The following ELP6 variants were observed in gnomAD, a reference collection of about 807,000 sequenced individuals.
ELP6 encodes elongator complex protein 6.
In ELP6, 23 loss-of-function variants were observed where a neutral mutation model predicts 28.1. The ratio of observed to expected loss-of-function variants is 0.82; its 90% CI spans 0.59 to 1.16. The LOEUF is 1.16. ELP6 is among the 50% of genes most tolerant of loss of function. The pLI is 0.00. For missense variants in ELP6, 313 were observed against 334.6 expected (o/e 0.94, Z 0.50); for synonymous variants, 132 against 135.8 (o/e 0.97, Z 0.19).
chr3:47,498,510 C>T (rs1708546776), intron 5 of ELP6, 78 bp from the exon 6 acceptor site: 1 of 1,567,492 alleles, frequency 6.4e-7, no homozygotes, highest in Non-Finnish European at 8.6e-7. Flanking sequence ...CCTCTCGTTG[C>T]CTCCACTCCC....
At chr3:47,503,029 C>A in intron 4 of ELP6, 1 of 1,015,676 alleles carries the variant, frequency 9.8e-7, no homozygotes, top group Non-Finnish European at 1.2e-6. Flanking sequence ...GGAACAGAGC[C>A]CAGGGCCCAG....
At chr3:47,507,630 CAA>C (rs915946145) in intron 3 of ELP6, among the ~76,000 whole-genome samples, 239 of 88,254 alleles carry the variant, frequency 2.7e-3, no homozygotes, top group African/African-American at 7.4e-3. Context: ...ACCCATTCTC[CAA>C]AAAAAAAAAA....
At chr3:47,503,317 ACAG>A (rs1708722317) in intron 4 of ELP6, 1 of 1,288,616 alleles carries the variant, frequency 7.8e-7, no homozygotes, top group Non-Finnish European at 1.0e-6. Flanking sequence ...TGGACGAAGA[ACAG>A]CAGCCAAGCG....
Position 47,513,531 on chromosome 3 carries a change from T to G in ELP6, c.54+6A>C, listed in dbSNP as rs776573869. ...CCGCCCCCTTCCGGCCAGCGGGACC[T>G]CTTACCTGCTCCGCCCTGTCGGGGG... On this transcript the variant is annotated splice_donor_region_variant and intron_variant, in intron 1 of 6. Transcript: ENST00000296149. 2.5e-6 allele frequency: 4 copies of G among 1,612,400 alleles called. No homozygotes were observed. Among genetic ancestry groups the G allele is most frequent in the Non-Finnish European group, 3.4e-6 (4 of 1,179,326 alleles).
At chr3:47,496,502 T>G in intron 6 of ELP6, 2 of 981,180 alleles carry the variant, frequency 2.0e-6, no homozygotes, top group Non-Finnish European at 2.4e-6. Context: ...TATGTTTTTT[T>G]TTTTTTTTTT....
At chr3:47,510,122 T>C in intron 3 of ELP6, 62 bp downstream of exon 3, 2 of 1,316,534 alleles carry the variant, frequency 1.5e-6, no homozygotes, top group Non-Finnish European at 2.2e-6. Context: ...AGCCAAGCTT[T>C]AGACCATGTG....
chr3:47,499,998 G>T, intron 5 of ELP6: 1 of 1,321,758 alleles, frequency 7.6e-7, no homozygotes, highest in Admixed American at 2.2e-5. Context: ...CAGACACACT[G>T]GCGGGTAAAT....
At chr3:47,508,887 C>G (rs553260774) in intron 3 of ELP6, among the ~76,000 whole-genome samples, 1 of 151,602 alleles carries the variant, frequency 6.6e-6, no homozygotes, top group East Asian at 1.9e-4. Context: ...GCCTCAGTCT[C>G]CCAAGTACCT....
At chr3:47,496,583 C>T (rs540704435) in intron 6 of ELP6, 3 of 757,116 alleles carry the variant, frequency 4.0e-6, no homozygotes, top group South Asian at 1.2e-4. Context: ...GCAACCTCTG[C>T]CTCCTAGGTT....
In ELP6 at chr3:47,501,708, G is replaced by A. The variant is rs931047050; in HGVS notation, c.467C>T (p.Ala156Val). The A allele has an allele frequency of 6.8e-6, 11 of 1,613,730 alleles. No individual in the cohort carries two copies. The highest frequency in any genetic ancestry group is 2.7e-5 in the African/African-American group (2 of 74,810). The change falls in exon 5 of 7, where the codon GCG (alanine) becomes GTG (valine). Residue 156 changes from alanine to valine, a missense_variant. Ala to Val is a moderately conservative substitution (Grantham distance 64). Transcript: ENST00000296149. ...LSVLLSLGMG[A>V]VAVLDFIHYC... ...GTGAATGAAGTCTAGCACAGCCACC[G>A]CCCCCATGCCCAGGCTCAGGAGCAC...
intron 3 of ELP6, among the ~76,000 whole-genome samples, chr3:47,507,059 C>T (rs1191499379): frequency 6.6e-6 from 1 of 151,996 alleles, no homozygotes; most frequent in Non-Finnish European, 1.5e-5. Context: ...CTTTAAGATA[C>T]CTGATTAAAA....
At chr3:47,499,196 G>A (rs1345056342) in intron 5 of ELP6, among the ~76,000 whole-genome samples, 1 of 152,186 alleles carries the variant, frequency 6.6e-6, no homozygotes, top group Non-Finnish European at 1.5e-5. Context: ...AGGCAACATA[G>A]TGAGACCCTG....
chr3:47,508,676 GTTC>G (rs750243720), intron 3 of ELP6, among the ~76,000 whole-genome samples: 4 of 151,532 alleles, frequency 2.6e-5, no homozygotes, highest in Non-Finnish European at 4.4e-5. Context: ...GTGGTGTATA[GTTC>G]TTCTTATACA....
In ELP6 at chr3:47,501,802, C is replaced by T; in HGVS notation, c.373G>A (p.Ala125Thr). The T allele has an allele frequency of 6.2e-7, 1 of 1,614,006 alleles. No individual in the cohort carries two copies. The highest frequency in any genetic ancestry group is 8.5e-7 in the Non-Finnish European group (1 of 1,180,020). ...TCTCCACTGTCTACTGGCTTCAGGG[C>T]CTCCCGTACAAACTCAAACAATGGT... ...LKPLFEFVRE[A>T]LKPVDSGEAR... The change falls in exon 5 of 7, where the codon GCC becomes ACC. Residue 125 changes from alanine (A) to threonine (T), a missense_variant. By Grantham distance (58) the Ala-to-Thr change is moderately conservative. Coordinates refer to ENST00000296149, the MANE Select transcript of ELP6 (RefSeq NM_001031703.3).
At chr3:47,502,381 A>G in intron 4 of ELP6, 1 of 973,080 alleles carries the variant, frequency 1.0e-6, no homozygotes, top group African/African-American at 1.9e-5. Context: ...ATCCCACTGC[A>G]CTCCAACCTG....
intron 1 of ELP6, chr3:47,512,548 C>A (rs1709044910): frequency 1.0e-6 from 1 of 957,928 alleles, no homozygotes; most frequent in Admixed American, 6.2e-5. Flanking sequence ...GAGACTCCAT[C>A]AAAAATAAAT....
At chr3:47,501,887 C>G in intron 4 of ELP6, 36 bp from the exon 5 acceptor site, 1 of 1,585,252 alleles carries the variant, frequency 6.3e-7, no homozygotes, top group South Asian at 1.1e-5. Flanking sequence ...AGACTTCACT[C>G]TCTCTACAGA....
chr3:47,503,122 T>C, intron 4 of ELP6: 1 of 1,112,434 alleles, frequency 9.0e-7, no homozygotes, highest in Non-Finnish European at 1.1e-6. Context: ...CATCTCCCCA[T>C]ACCTTGGGAT....
intron 4 of ELP6, chr3:47,502,505 G>A (rs1708696655): frequency 4.1e-6 from 4 of 984,512 alleles, no homozygotes; most frequent in Non-Finnish European, 3.6e-6. Context: ...GGATTGGGCA[G>A]GCGGAAACCT....
Sources: gnomAD v4.1 joint callset for allele counts (sites outside exome capture counted in the v4.1 genomes callset) on GRCh38, gnomAD v4.1.1 for gene constraint, MANE v1.5 for transcripts, NCBI Gene and HGNC (gene_info 2026-07-23, HGNC 2026-07-21) for gene names.